Variants in PPARA observed in about 807,000 individuals in gnomAD.
The protein encoded by PPARA is peroxisome proliferator activated receptor alpha, also known as peroxisome proliferator-activated receptor alpha.
PPARA carries 22 observed loss-of-function variants against 42.2 expected under a neutral mutation model. That is an observed-to-expected ratio of 0.52 (90% CI 0.37 to 0.74). The LOEUF (loss-of-function observed/expected upper bound fraction) is 0.74. PPARA is among the 30% of genes least tolerant of loss of function. The pLI is 0.00. For synonymous variants in PPARA, 242 were observed against 239.3 expected (o/e 1.01, Z -0.10); for missense variants, 465 against 608.2 (o/e 0.76, Z 2.48).
At chr22:46,229,558 CAAA>C (rs765912866) in intron 7 of PPARA, among the ~76,000 whole-genome samples, 2 of 123,610 alleles carry the variant, frequency 1.6e-5, no homozygotes, top group African/African-American at 2.9e-5. Context: ...GACTCTGTCT[CAAA>C]AAAAAAAAAA....
Position 46,191,937 on chromosome 22 carries a change from C to T in PPARA, c.-42-6405C>T, listed in dbSNP as rs1336880887. The stretch of plus-strand genomic sequence containing the variant: ...AAAAGTAGCCGGGCGTGGTGGCGCA[C>T]GCCCGTAGTCCCAGCTACTCAGGAG... On this transcript the variant is annotated intron_variant, in intron 3 of 8. Transcript: ENST00000407236. The surrounding 1 kb of genome is among the most constrained non-coding windows in gnomAD (Gnocchi z 4.6). Among the ~76,000 whole-genome samples the T allele has an allele frequency of 3.3e-5, 5 of 152,088 alleles. No homozygotes were observed. Among genetic ancestry groups the T allele is most frequent in the African/African-American group, 4.8e-5 (2 of 41,412 alleles).
intron 2 of PPARA, chr22:46,175,969 T>G (rs1329470832): frequency 6.6e-6 from 1 of 151,862 alleles, no homozygotes; most frequent in Non-Finnish European, 1.5e-5. Flanking sequence ...TTTCTTGGTT[T>G]TCTGGTTTGT....
intron 5 of PPARA, among the ~76,000 whole-genome samples, chr22:46,217,511 C>T (rs1934595648): frequency 2.6e-5 from 4 of 152,116 alleles, no homozygotes. Context: ...TTACAAACAG[C>T]TGGCTTCCTT....
At chr22:46,174,871 T>A (rs932577869) in intron 2 of PPARA, among the ~76,000 whole-genome samples, 3 of 151,902 alleles carry the variant, frequency 2.0e-5, no homozygotes, top group African/African-American at 7.2e-5. Flanking sequence ...TTAGTACTTT[T>A]AAAAATTAAC....
Position 46,216,032 on chromosome 22 carries a change from C to G in PPARA, c.369+699C>G, listed in dbSNP as rs569582783. 2.0e-5 allele frequency among the ~76,000 whole-genome samples: 3 copies of G among 152,254 alleles called. No individual in the cohort carries two copies. The highest frequency in any genetic ancestry group is 6.5e-5 in the Admixed American group (1 of 15,284). On this transcript the variant is annotated intron_variant, in intron 5 of 8. Transcript: ENST00000407236. The surrounding 1 kb of genome is among the most constrained non-coding windows in gnomAD (Gnocchi z 4.5). ...GATTGCTGCTTTAGAGAGTCTAGGA[C>G]AAATGGTTCCTCTGTGCTTTGTAAA...
At position 46,190,900 on chromosome 22, in the gene PPARA, T is replaced by C. The variant is rs1931448679; in HGVS notation, c.-42-7442T>C. 6.6e-6 allele frequency among the ~76,000 whole-genome samples: 1 copy of C among 152,110 alleles called. No homozygotes were observed. Among genetic ancestry groups the C allele is most frequent in the Non-Finnish European group, 1.5e-5 (1 of 67,996 alleles). Reference sequence around the variant, plus strand: ...TTAATACATTATTTCAGAAAATATTTACAAAGGGGGCTGGGCACAGTGGCT... The same window carrying C: ...TTAATACATTATTTCAGAAAATATTCACAAAGGGGGCTGGGCACAGTGGCT... On this transcript the variant is annotated intron_variant, in intron 3 of 8. Transcript: ENST00000407236. The surrounding 1 kb of genome is among the most constrained non-coding windows in gnomAD (Gnocchi z 5.6).
rs1450963617 is a variant in PPARA, at chr22:46,234,714, A to G, written c.1160-419A>G. ...AATCACTCCTTAAATATGGTGGAACACTTGAAGCTTGATATCTAGTTTGGA... is the reference window on the plus strand; with the variant it reads ...AATCACTCCTTAAATATGGTGGAACGCTTGAAGCTTGATATCTAGTTTGGA... On this transcript the variant is annotated intron_variant, in intron 8 of 8. Transcript: ENST00000407236. This position sits in a 1 kb window ranked among gnomAD's most constrained non-coding sequence, Gnocchi z 5.8. 6.6e-6 allele frequency among the ~76,000 whole-genome samples: 1 copy of G among 152,198 alleles called. No individual in the cohort carries two copies. Among genetic ancestry groups the G allele is most frequent in the Non-Finnish European group, 1.5e-5 (1 of 68,034 alleles).
chr22:46,207,671 ATTATTATTTTTTTTTTTTT>A (rs1261665454), intron 4 of PPARA, among the ~76,000 whole-genome samples: 26 of 74,402 alleles, frequency 3.5e-4, no homozygotes, highest in African/African-American at 1.4e-3. Flanking sequence ...TATTATTATT[ATTATTATTTTTTTTTTTTT>A]TTTTTTTTTT....
In PPARA at chr22:46,234,331, C is replaced by T. The variant is rs989860236; in HGVS notation, c.1160-802C>T. On this transcript the variant is annotated intron_variant, in intron 8 of 8. Transcript: ENST00000407236. This position sits in a 1 kb window ranked among gnomAD's most constrained non-coding sequence, Gnocchi z 5.8. Reference sequence around the variant, plus strand: ...AAAACAATGAAGATGTTTAAATCCTCATCACTAGCAACCCTGTTAAGAATC... The same window carrying T: ...AAAACAATGAAGATGTTTAAATCCTTATCACTAGCAACCCTGTTAAGAATC... 3.9e-5 allele frequency among the ~76,000 whole-genome samples: 6 copies of T among 152,196 alleles called. No homozygotes were observed. The highest frequency in any genetic ancestry group is 7.4e-5 in the Non-Finnish European group (5 of 68,026).
rs1187608273 is a variant in PPARA, at chr22:46,161,134, C to T, written c.-127+9164C>T. On this transcript the variant is annotated intron_variant, in intron 2 of 8. Transcript: ENST00000407236. The surrounding 1 kb of genome is among the most constrained non-coding windows in gnomAD (Gnocchi z 4.8). ...ATATGGCCATGGACTCAGAGAAAAC[C>T]ACGGCAGCTTCCATGGACTCATAAA... 6.6e-6 allele frequency among the ~76,000 whole-genome samples: 1 copy of T among 152,082 alleles called. No individual in the cohort carries two copies. Among genetic ancestry groups the T allele is most frequent in the Non-Finnish European group, 1.5e-5 (1 of 68,022 alleles).
At position 46,161,062 on chromosome 22, in the gene PPARA, A is replaced by T. The variant is rs1239679133; in HGVS notation, c.-127+9092A>T. 6.6e-6 allele frequency among the ~76,000 whole-genome samples: 1 copy of T among 152,214 alleles called. No individual in the cohort carries two copies. Among genetic ancestry groups the T allele is most frequent in the Non-Finnish European group, 1.5e-5 (1 of 68,040 alleles). On this transcript the variant is annotated intron_variant, in intron 2 of 8. Coordinates refer to ENST00000407236, the MANE Select transcript of PPARA (RefSeq NM_005036.6). This position sits in a 1 kb window ranked among gnomAD's most constrained non-coding sequence, Gnocchi z 4.8. ...TCAAGCACAGCTGATGATCTTTAAT[A>T]CTAATAGAGGTATAAGACTTAAAAG...
rs926653962 is a variant in PPARA, at chr22:46,184,403, C to G, written c.-43+7567C>G. 6.6e-6 allele frequency among the ~76,000 whole-genome samples: 1 copy of G among 152,156 alleles called. No individual in the cohort carries two copies. The highest frequency in any genetic ancestry group is 2.4e-5 in the African/African-American group (1 of 41,432). ...AGAATCTCAGAGAGAGACACAGTTA[C>G]CTTTTAGTTACACTAATGGGGAAAA... On this transcript the variant is annotated intron_variant, in intron 3 of 8. Coordinates refer to ENST00000407236, the MANE Select transcript of PPARA (RefSeq NM_005036.6). The surrounding 1 kb of genome is among the most constrained non-coding windows in gnomAD (Gnocchi z 4.4).
At chr22:46,176,233 C>G (rs985777695) in intron 2 of PPARA, 5 of 152,252 alleles carry the variant, frequency 3.3e-5, no homozygotes, top group Admixed American at 3.3e-4. Flanking sequence ...TGCCTGTAAT[C>G]TCAGCACTTT....
chr22:46,201,653 G>A (rs979854571), intron 4 of PPARA, among the ~76,000 whole-genome samples: 2 of 152,114 alleles, frequency 1.3e-5, no homozygotes, highest in African/African-American at 4.8e-5. Context: ...ACCTCGGCTT[G>A]CCTAAGCCCA....
intron 3 of PPARA, 146 bp from the exon 4 acceptor site, chr22:46,198,196 C>A (rs548019786): frequency 1.1e-3 from 240 of 222,590 alleles, no homozygotes; most frequent in Admixed American, 5.2e-3. Context: ...CGAGATTGTG[C>A]CCCTGCACTC....
rs1935976870 is a variant in PPARA, at chr22:46,232,934, G to T, written c.1159+695G>T. Among the ~76,000 whole-genome samples, 1 of 145,840 alleles carries T rather than the reference G, an allele frequency of 6.9e-6. No homozygotes were observed. On this transcript the variant is annotated intron_variant, in intron 8 of 8. Coordinates refer to ENST00000407236, the MANE Select transcript of PPARA (RefSeq NM_005036.6). The surrounding 1 kb of genome is among the most constrained non-coding windows in gnomAD (Gnocchi z 5.3). The stretch of plus-strand genomic sequence containing the variant: ...GAGACAAAGGTTGCAGTGAGCCAAG[G>T]TCACGCCACCACACTCCAGCCTGGG...
intron 4 of PPARA, among the ~76,000 whole-genome samples, chr22:46,206,113 TG>T (rs1189227850): frequency 6.6e-6 from 1 of 152,190 alleles, no homozygotes; most frequent in African/African-American, 2.4e-5. Flanking sequence ...CATTTAATTT[TG>T]TTTTTTGAGA....
At chr22:46,178,022 T>C (rs552688266) in intron 3 of PPARA, among the ~76,000 whole-genome samples, 1 of 152,172 alleles carries the variant, frequency 6.6e-6, no homozygotes, top group South Asian at 2.1e-4. Context: ...ATTTGGGGTA[T>C]AGATCTAAGG....
chr22:46,205,539 TATATATATATA>T (rs1569226095), intron 4 of PPARA, among the ~76,000 whole-genome samples: 23 of 38,018 alleles, frequency 6.0e-4, no homozygotes, highest in African/African-American at 1.4e-3. Flanking sequence ...TATATATATA[TATATATATATA>T]TATATTTTTT....
Sources: allele counts gnomAD v4.1 joint callset (sites outside exome capture counted in the v4.1 genomes callset), GRCh38; gene constraint gnomAD v4.1.1; non-coding constraint Gnocchi (gnomAD v3.1); transcripts MANE v1.5; gene names NCBI Gene and HGNC (gene_info 2026-07-23, HGNC 2026-07-21).